Variants in ATAT1 observed in about 807,000 individuals in gnomAD.
ATAT1 encodes the protein alpha-tubulin N-acetyltransferase 1.
A neutral mutation model predicts 57.2 loss-of-function variants in ATAT1; 42 were observed. The ratio of observed to expected loss-of-function variants is 0.73; its 90% CI spans 0.57 to 0.95. The LOEUF is 0.95. ATAT1 is among the 40% of genes least tolerant of loss of function. The probability of loss-of-function intolerance (pLI) is 0.00; values close to 1 mark genes in which losing one functional copy is unlikely to be tolerated. For synonymous variants in ATAT1, 168 were observed against 187.1 expected (o/e 0.90, Z 0.83); for missense variants, 454 against 523.7 (o/e 0.87, Z 1.30).
intron 12 of ATAT1, 62 bp downstream of exon 12, chr6:30,646,171 A>C (rs1209677187): frequency 1.3e-6 from 2 of 1,571,100 alleles, no homozygotes; most frequent in Non-Finnish European, 1.7e-6. Context: ...TCCTAACATC[A>C]TTCTCAGTCA....
At position 30,642,832 on chromosome 6, in the gene ATAT1, A is replaced by AGGGGGGGGCGG; in HGVS notation, c.754_755insGGGGGGGCGGG (p.Ala252GlyfsTer71). The AGGGGGGGGCGG allele has an allele frequency of 8.1e-7, 1 of 1,230,750 alleles. No homozygotes were observed. Among genetic ancestry groups the AGGGGGGGGCGG allele is most frequent in the Non-Finnish European group, 1.1e-6 (1 of 892,690 alleles). The allele number at this position is 1,230,750 out of a possible 1,614,324, so 76.2% of individuals were successfully genotyped here. A position where few individuals can be genotyped will look rare whatever the true frequency, so the allele number is the denominator to read the frequency against. On this transcript the variant is annotated frameshift_variant, in exon 10 of 13. Coordinates refer to ENST00000330083, the MANE Select transcript of ATAT1 (RefSeq NM_001031722.4). LOFTEE classifies it high-confidence loss of function. Reference sequence around the variant, plus strand: ...GGGCCCCTCGCCGCGCCACACCTCCAGCCCACCCACCCCCCCGCTCCAGCA... The same window carrying AGGGGGGGGCGG: ...GGGCCCCTCGCCGCGCCACACCTCCAGGGGGGGGCGGGCCCACCCACCCCCCCGCTCCAGCA...
At chr6:30,638,575 GTTTT>G (rs1236891609) in intron 6 of ATAT1, among the ~76,000 whole-genome samples, 2 of 140,342 alleles carry the variant, frequency 1.4e-5, no homozygotes, top group Non-Finnish European at 3.1e-5. Context: ...TGGCCCCCGA[GTTTT>G]TTTTTTTTTT....
At chr6:30,629,244 CT>C (rs111725584) in intron 6 of ATAT1, among the ~76,000 whole-genome samples, 341 of 137,194 alleles carry the variant, frequency 2.5e-3, no homozygotes, top group Admixed American at 6.4e-3. Flanking sequence ...CCTAATTTTT[CT>C]TTTTTTTTTT....
chr6:30,633,519 C>T (rs1321114544), intron 6 of ATAT1: 1 of 158,472 alleles, frequency 6.3e-6, no homozygotes, highest in Admixed American at 6.5e-5. Context: ...ACCACAGCCA[C>T]CTCCGCCATG....
intron 6 of ATAT1, among the ~76,000 whole-genome samples, chr6:30,629,581 G>A (rs1762405292): frequency 1.4e-5 from 2 of 143,740 alleles, no homozygotes; most frequent in African/African-American, 2.6e-5. Flanking sequence ...GAGTCGCTCT[G>A]TCACCCAGGC....
chr6:30,626,945 G>A lies in ATAT1; in HGVS notation c.-259G>A. 1 of 1,608,542 alleles carries A rather than the reference G, an allele frequency of 6.2e-7. No individual in the cohort carries two copies. Among genetic ancestry groups the A allele is most frequent in the Non-Finnish European group, 8.5e-7 (1 of 1,178,210 alleles). On this transcript the variant is annotated 5_prime_UTR_variant, in exon 1 of 13. Transcript: ENST00000330083. ...CGGAGCGGATCACGGTGCTGGACCA[G>A]CACCTGAGGCCCCCAGCCCGCCGAC...
At chr6:30,637,844 C>A (rs1456732161) in intron 6 of ATAT1, among the ~76,000 whole-genome samples, 1 of 152,118 alleles carries the variant, frequency 6.6e-6, no homozygotes, top group East Asian at 1.9e-4. Flanking sequence ...GGCATGGTGG[C>A]GCATGCCTGT....
chr6:30,643,240 A>G, intron 10 of ATAT1: 10 of 1,419,900 alleles, frequency 7.0e-6, no homozygotes, highest in Non-Finnish European at 9.2e-6. Context: ...CTTTAATGTG[A>G]GAGTTATGTG....
Position 30,644,217 on chromosome 6 carries a change from T to C in ATAT1, c.932+1206T>C, listed in dbSNP as rs938240278. ...GTTGCTTTGGGGTCTCTAAAGGAGATTGGCTGACACCACCATTTCCCCCAG... is the reference window on the plus strand; with the variant it reads ...GTTGCTTTGGGGTCTCTAAAGGAGACTGGCTGACACCACCATTTCCCCCAG... On this transcript the variant is annotated intron_variant, in intron 10 of 12. Transcript: ENST00000330083. 18 of 985,722 alleles carry C rather than the reference T, an allele frequency of 1.8e-5. No homozygotes were observed. In the Admixed American group the frequency reaches 1.8e-4, roughly 10 times the overall value. 61.1% of individuals were successfully genotyped at this position (985,722 alleles called of 1,614,324 possible).
intron 6 of ATAT1, among the ~76,000 whole-genome samples, chr6:30,637,079 C>A (rs1764259427): frequency 6.6e-6 from 1 of 152,044 alleles, no homozygotes; most frequent in African/African-American, 2.4e-5. Context: ...ACGATTACAG[C>A]CGTGAGCCAC....
chr6:30,637,047 C>T (rs1231997406), intron 6 of ATAT1, among the ~76,000 whole-genome samples: 2 of 152,090 alleles, frequency 1.3e-5, no homozygotes, highest in Admixed American at 6.6e-5. Context: ...GTGATCCGCC[C>T]ACCTCGGTCT....
intron 6 of ATAT1, among the ~76,000 whole-genome samples, chr6:30,631,211 C>T (rs116883592): frequency 1.4e-3 from 209 of 151,364 alleles, no homozygotes; most frequent in East Asian, 0.011. Context: ...TGGCCGGGCA[C>T]GGTGGCTCAT....
intron 10 of ATAT1, chr6:30,643,269 C>G: frequency 7.0e-7 from 1 of 1,421,326 alleles, no homozygotes; most frequent in Admixed American, 2.9e-5. Flanking sequence ...GGAAGAACAC[C>G]GAGATCCATC....
Position 30,634,767 on chromosome 6 carries a change from T to A in ATAT1, c.502-5610T>A, listed in dbSNP as rs1384297566. On this transcript the variant is annotated intron_variant, in intron 6 of 12. Coordinates refer to ENST00000330083, the MANE Select transcript of ATAT1 (RefSeq NM_001031722.4). ...ACTTTGGGAGGCCGAGGTGGGTGGA[T>A]CACGAGGTCAGAAGATCGAGACCAT... is the stretch of plus-strand genomic sequence containing the variant. Among the ~76,000 whole-genome samples, 3 of 144,672 alleles carry A rather than the reference T, an allele frequency of 2.1e-5. No homozygotes were observed. In the East Asian group the frequency reaches 6.4e-4, roughly 31 times the overall value. The allele number at this position is 144,672 out of a possible 152,430, so 94.9% of individuals were successfully genotyped here.
At chr6:30,635,005 CA>C (rs1284765509) in intron 6 of ATAT1, among the ~76,000 whole-genome samples, 4 of 151,960 alleles carry the variant, frequency 2.6e-5, no homozygotes, top group African/African-American at 7.2e-5. Flanking sequence ...ACAACAACAA[CA>C]AAAAGTCTCG....
At chr6:30,639,728 C>T (rs1325890375) in intron 6 of ATAT1, among the ~76,000 whole-genome samples, 3 of 152,086 alleles carry the variant, frequency 2.0e-5, no homozygotes, top group Non-Finnish European at 2.9e-5. Flanking sequence ...CCGCCCGCCT[C>T]GGCCTCCCAA....
In ATAT1 at chr6:30,640,588, G is replaced by C. The variant is rs759858282; in HGVS notation, c.601G>C (p.Asp201His). The change falls in exon 8 of 13, where the codon GAT becomes CAT. Residue 201 changes from aspartate (D) to histidine (H), a missense_variant. By Grantham distance (81) the Asp-to-His change is moderately conservative (BLOSUM62 -1). Around this residue, in one of 3 missense-constraint regions of ATAT1, gnomAD observed 236 missense variants for 284.5 expected, o/e 0.83. Coordinates refer to ENST00000330083, the MANE Select transcript of ATAT1 (RefSeq NM_001031722.4). The stretch of plus-strand genomic sequence containing the variant: ...TCGACACTCTCGTGCTGCTGCAGTC[G>C]ATCCCACGCCCGCTGGTAAAGCCTG... 1.9e-6 allele frequency: 3 copies of C among 1,612,774 alleles called. No individual in the cohort carries two copies. The East Asian group carries it at 6.7e-5, about 36-fold the overall frequency.
chr6:30,645,898 G>A lies in ATAT1; in HGVS notation c.936G>A (p.Gly312=). Residue 312 remains glycine (G), a synonymous_variant, in exon 11 of 13, where the codon GGG becomes GGA. Transcript: ENST00000330083. ...TCATCTCCCATTTCTTCTACAGGGG[G>A]ACTCCCCCAGGTCTGGTAGCCCAAA... 1 of 1,486,108 alleles carries A rather than the reference G, an allele frequency of 6.7e-7. No individual in the cohort carries two copies. Among genetic ancestry groups the A allele is most frequent in the African/African-American group, 1.4e-5 (1 of 71,050 alleles). 92.1% of individuals were successfully genotyped at this position (1,486,108 alleles called of 1,614,324 possible).
At chr6:30,638,687 A>G (rs545816008) in intron 6 of ATAT1, among the ~76,000 whole-genome samples, 6 of 151,324 alleles carry the variant, frequency 4.0e-5, no homozygotes, top group Non-Finnish European at 8.8e-5. Flanking sequence ...TAATGGCTAC[A>G]CTATTTTCCT....
Sources: gnomAD v4.1 joint callset for allele counts (sites outside exome capture counted in the v4.1 genomes callset) on GRCh38, gnomAD v4.1.1 for gene constraint, gnomAD v4.1.1 regional missense constraint, MANE v1.5 for transcripts, NCBI Gene and HGNC (gene_info 2026-07-23, HGNC 2026-07-21) for gene names.